MELK: variants seen among roughly 807,000 people sequenced by gnomAD.
The protein encoded by MELK is pEg3 kinase.
MELK carries 81 observed loss-of-function variants against 85.0 expected under a neutral mutation model. The ratio of observed to expected loss-of-function variants is 0.95; its 90% CI spans 0.80 to 1.15. The LOEUF (loss-of-function observed/expected upper bound fraction) is 1.15, where lower values mean the gene tolerates loss of function less well. MELK is among the 50% of genes most tolerant of loss of function. MELK has a pLI of 0.00. For synonymous variants in MELK, 252 were observed against 265.0 expected (o/e 0.95, Z 0.48); for missense variants, 754 against 777.5 (o/e 0.97, Z 0.36).
At chr9:36,602,680 C>CT (rs1825059009) in intron 7 of MELK, among the ~76,000 whole-genome samples, 1 of 151,410 alleles carries the variant, frequency 6.6e-6, no homozygotes, top group African/African-American at 2.4e-5. Context: ...CTGCCTCAGC[C>CT]TCCAGAGTAG....
At chr9:36,606,193 A>G (rs909785726) in intron 7 of MELK, among the ~76,000 whole-genome samples, 1 of 150,782 alleles carries the variant, frequency 6.6e-6, no homozygotes, top group Non-Finnish European at 1.5e-5. Context: ...CTCTCTCTCT[A>G]TGTATATATA....
chr9:36,579,210 A>T (rs1010845747), intron 1 of MELK, among the ~76,000 whole-genome samples: 6 of 152,212 alleles, frequency 3.9e-5, no homozygotes, highest in African/African-American at 7.2e-5. Context: ...TATTTTTAGT[A>T]GAGACGGGGT....
intron 11 of MELK, among the ~76,000 whole-genome samples, chr9:36,645,015 T>C (rs1014833029): frequency 9.2e-5 from 14 of 152,110 alleles, no homozygotes; most frequent in African/African-American, 2.9e-4. Context: ...ATGCCTGTAA[T>C]GTCAGCACTT....
At chr9:36,617,969 TAAA>T (rs951076426) in intron 8 of MELK, among the ~76,000 whole-genome samples, 1 of 148,790 alleles carries the variant, frequency 6.7e-6, no homozygotes. Flanking sequence ...CTACAAAAAA[TAAA>T]AAAAAAATTA....
At chr9:36,631,320 C>T (rs772256538) in intron 9 of MELK, among the ~76,000 whole-genome samples, 3 of 150,752 alleles carry the variant, frequency 2.0e-5, no homozygotes, top group Non-Finnish European at 4.4e-5. Flanking sequence ...TGCAACGGTG[C>T]GATCTTGGCT....
chr9:36,645,865 C>T (rs902905140), intron 11 of MELK, among the ~76,000 whole-genome samples: 16 of 152,134 alleles, frequency 1.1e-4, no homozygotes, highest in East Asian at 1.9e-4. Flanking sequence ...TTTTTAGCCG[C>T]GAAGACTCTC....
At chr9:36,603,006 A>G (rs1261894622) in intron 7 of MELK, among the ~76,000 whole-genome samples, 2 of 152,322 alleles carry the variant, frequency 1.3e-5, no homozygotes, top group East Asian at 3.9e-4. Flanking sequence ...TGTTTCCACT[A>G]TTCCATTTAG....
Position 36,671,002 on chromosome 9 carries a change from C to T in MELK, c.1510C>T (p.Arg504Cys), listed in dbSNP as rs200746617. 109 of 1,606,320 alleles carry T rather than the reference C, an allele frequency of 6.8e-5. 1 individual carries two copies. The highest frequency in any genetic ancestry group is 7.9e-5 in the Non-Finnish European group (93 of 1,177,180). The part of the protein sequence containing the change: ...TGVISPERRC[R>C]SVELDLNQAH... ...TTGTTTTATGTTTTGTTTCAGGTGC[C>T]GCTCAGTGGAATTGGATCTCAACCA... Residue 504 changes from arginine to cysteine, a missense_variant, in exon 16 of 18, where the codon CGC becomes TGC. Arg to Cys is a radical substitution (Grantham distance 180). Coordinates refer to ENST00000298048, the MANE Select transcript of MELK (RefSeq NM_014791.4).
At chr9:36,580,038 CTTTTTTTTTT>C (rs58166111) in intron 1 of MELK, among the ~76,000 whole-genome samples, 1 of 117,962 alleles carries the variant, frequency 8.5e-6, no homozygotes. Flanking sequence ...TTCATGTCTT[CTTTTTTTTTT>C]TTTTTTTTTT....
chr9:36,578,201 A>G (rs1257209118), intron 1 of MELK, among the ~76,000 whole-genome samples: 1 of 150,584 alleles, frequency 6.6e-6, no homozygotes. Context: ...AGTCTTTACA[A>G]CTGTTACTGA....
chr9:36,604,061 C>G (rs1023474316), intron 7 of MELK, among the ~76,000 whole-genome samples: 3 of 151,636 alleles, frequency 2.0e-5, no homozygotes, highest in Admixed American at 1.3e-4. Context: ...CCTCTGCCTC[C>G]CGAGTTCAAG....
chr9:36,589,008 G>C (rs1046836676), intron 3 of MELK, among the ~76,000 whole-genome samples: 2 of 152,122 alleles, frequency 1.3e-5, no homozygotes, highest in African/African-American at 4.8e-5. Context: ...ATTGTTTTCT[G>C]GATGTTGTAC....
At chr9:36,582,035 G>A (rs1056998890) in intron 2 of MELK, among the ~76,000 whole-genome samples, 2 of 150,822 alleles carry the variant, frequency 1.3e-5, no homozygotes, top group African/African-American at 4.9e-5. Context: ...GCAGTGGCGC[G>A]ATCTTGGCTC....
chr9:36,609,106 A>G (rs1201783895), intron 8 of MELK, among the ~76,000 whole-genome samples: 3 of 152,166 alleles, frequency 2.0e-5, no homozygotes, highest in Non-Finnish European at 4.4e-5. Flanking sequence ...CAGAGAGTAG[A>G]TAAGTTGTTG....
intron 14 of MELK, among the ~76,000 whole-genome samples, chr9:36,667,688 T>G (rs1208324012): frequency 6.6e-6 from 1 of 152,236 alleles, no homozygotes; most frequent in Non-Finnish European, 1.5e-5. Flanking sequence ...AGCAAGTGGC[T>G]GAAGCCATGA....
intron 9 of MELK, 51 bp downstream of exon 9, chr9:36,630,418 C>G (rs10973007): frequency 0.17 from 237,837 of 1,432,178 alleles, 22,044 homozygotes; most frequent in Non-Finnish European, 0.19. Context: ...TTTGGTTCAA[C>G]TTTTAAGATA....
chr9:36,615,143 G>A (rs1423948156), intron 8 of MELK, among the ~76,000 whole-genome samples: 3 of 145,188 alleles, frequency 2.1e-5, no homozygotes, highest in African/African-American at 7.7e-5. Context: ...CAGTAGGGGC[G>A]GCCGGGCAGA....
rs1356382020 is a variant in MELK at position 36,573,005 on chromosome 9, C to G, written c.-41C>G. On this transcript the variant is annotated splice_region_variant and 5_prime_UTR_variant, in exon 1 of 18. Coordinates refer to ENST00000298048, the MANE Select transcript of MELK (RefSeq NM_014791.4). ...CCGCTCAGCCGTGCCCTCCGCCCCT[C>G]AGGTCAGTTCTCCCGCCTGCCCGCC... The G allele has an allele frequency of 1.3e-5, 2 of 152,504 alleles. No homozygotes were observed. Among genetic ancestry groups the G allele is most frequent in the African/African-American group, 4.8e-5 (2 of 41,452 alleles). 9.4% of individuals were successfully genotyped at this position (152,504 alleles called of 1,614,324 possible).
intron 10 of MELK, among the ~76,000 whole-genome samples, chr9:36,636,790 G>GTGTGTCTT (rs1554729015): frequency 0.01 from 679 of 67,640 alleles, 17 homozygotes; most frequent in African/African-American, 0.027. Context: ...CTTTCTGTCT[G>GTGTGTCTT]TCTTTCTTTC....
Sources: allele counts gnomAD v4.1 joint callset (sites outside exome capture counted in the v4.1 genomes callset), GRCh38; gene constraint gnomAD v4.1.1; transcripts MANE v1.5; gene names NCBI Gene and HGNC (gene_info 2026-07-23, HGNC 2026-07-21).